Variants in SEMA5B observed in about 807,000 individuals in gnomAD.
SEMA5B encodes the protein semaphorin 5B.
SEMA5B carries 66 observed loss-of-function variants against 135.0 expected under a neutral mutation model. That is an observed-to-expected ratio of 0.49 (90% CI 0.40 to 0.60). SEMA5B has a LOEUF of 0.60. SEMA5B is among the 20% of genes least tolerant of loss of function. The pLI, the probability that SEMA5B is intolerant of heterozygous loss-of-function variation, is 0.00. For missense variants in SEMA5B, 1,501 were observed against 1,566.3 expected, an observed-to-expected ratio of 0.96 and a Z score of 0.70; for synonymous variants, 690 against 639.5, an observed-to-expected ratio of 1.08 and a Z score of -1.19.
At chr3:122,932,873 C>T (rs1939051805) in intron 5 of SEMA5B, among the ~76,000 whole-genome samples, 1 of 152,144 alleles carries the variant, frequency 6.6e-6, no homozygotes, top group Non-Finnish European at 1.5e-5. Flanking sequence ...TGCACACCAC[C>T]ACACTTGGCT....
chr3:122,927,556 TA>T (rs1316943101), intron 8 of SEMA5B, among the ~76,000 whole-genome samples: 1 of 152,218 alleles, frequency 6.6e-6, no homozygotes, highest in Non-Finnish European at 1.5e-5. Flanking sequence ...CCGTCTCTCC[TA>T]ATAGCCCACC....
chr3:122,946,595 G>A (rs1482566208), intron 3 of SEMA5B, among the ~76,000 whole-genome samples: 2 of 152,176 alleles, frequency 1.3e-5, no homozygotes, highest in Admixed American at 6.5e-5. Flanking sequence ...GCTAAGGGAT[G>A]TGGGAACACA....
intron 10 of SEMA5B, 118 bp from the exon 11 acceptor site, chr3:122,922,565 C>G: frequency 1.1e-6 from 1 of 881,642 alleles, no homozygotes; most frequent in Non-Finnish European, 1.7e-6. Flanking sequence ...TTCTCCAGCA[C>G]CCCCCACCCC....
intron 1 of SEMA5B, among the ~76,000 whole-genome samples, chr3:122,994,735 C>A (rs544123116): frequency 7.9e-5 from 12 of 152,326 alleles, no homozygotes; most frequent in African/African-American, 2.9e-4. Flanking sequence ...ATTGTGTGAC[C>A]TTGAGCAAGC....
intron 1 of SEMA5B, among the ~76,000 whole-genome samples, chr3:123,009,462 G>A (rs1001563826): frequency 1.3e-5 from 2 of 152,060 alleles, no homozygotes; most frequent in East Asian, 1.9e-4. Flanking sequence ...CTTGCACATC[G>A]TGCCCACCCA....
Position 122,913,870 on chromosome 3 carries a change from C to A in SEMA5B, c.2120G>T (p.Ser707Ile). 1 of 1,608,168 alleles carries A rather than the reference C, an allele frequency of 6.2e-7. No homozygotes were observed. Among genetic ancestry groups the A allele is most frequent in the South Asian group, 1.1e-5 (1 of 90,132 alleles). ...RHGGRICVGK[S>I]REERFCNENT... is the part of the protein sequence containing the mutation. ...TGTTCTCCCTCACCGTTCCTCCCGG[C>A]TCTTGCCCACGCAGATGCGGCCCCC... is the stretch of plus-strand genomic sequence containing the variant. The change falls in exon 15 of 23, where the codon AGC becomes ATC. Residue 707 changes from serine (S) to isoleucine (I), a missense_variant. By Grantham distance (142) the Ser-to-Ile change is moderately radical. Transcript: ENST00000357599.
At chr3:122,959,868 AC>A (rs1940498405) in intron 2 of SEMA5B, among the ~76,000 whole-genome samples, 1 of 152,196 alleles carries the variant, frequency 6.6e-6, no homozygotes, top group South Asian at 2.1e-4. Context: ...TTTCTTATTT[AC>A]CAAACATTCT....
rs1172935948 is a variant in SEMA5B, at chr3:122,926,284, C to A, written c.1136+108G>T. 2.7e-6 allele frequency: 3 copies of A among 1,094,220 alleles called. No individual in the cohort carries two copies. In the East Asian group the frequency reaches 7.8e-5, roughly 28 times the overall value. The allele number at this position is 1,094,220 out of a possible 1,614,324, so 67.8% of individuals were successfully genotyped here. ...AGTCACAAAATCCTCAGATGACCCC[C>A]GGCAGGAGGCACGGCAGTCCCCATT... On this transcript the variant is annotated intron_variant, in intron 9 of 22. Coordinates refer to ENST00000357599, the MANE Select transcript of SEMA5B (RefSeq NM_001031702.4).
chr3:122,955,789 C>T (rs1361165205), intron 2 of SEMA5B, among the ~76,000 whole-genome samples: 2 of 152,210 alleles, frequency 1.3e-5, no homozygotes, highest in Non-Finnish European at 2.9e-5. Context: ...TTTATGAAAT[C>T]CATTAATATT....
chr3:122,986,591 A>ATT (rs998056682), intron 1 of SEMA5B, among the ~76,000 whole-genome samples: 8 of 89,298 alleles, frequency 9.0e-5, no homozygotes, highest in African/African-American at 2.0e-4. Context: ...CCCAGAGCAT[A>ATT]TTTGTGTGTG....
chr3:122,974,266 C>G (rs976171296), intron 1 of SEMA5B, among the ~76,000 whole-genome samples: 2 of 152,222 alleles, frequency 1.3e-5, no homozygotes, highest in African/African-American at 2.4e-5. Flanking sequence ...CCCAGCCCTA[C>G]TCCCATTGCC....
chr3:122,913,921 C>T lies in SEMA5B; in HGVS notation c.2069G>A (p.Ser690Asn), dbSNP rs898071841. The T allele has an allele frequency of 1.9e-6, 3 of 1,612,838 alleles. No individual in the cohort carries two copies. The highest frequency in any genetic ancestry group is 1.6e-4 in the Middle Eastern group (1 of 6,062). Residue 690 changes from serine (S) to asparagine (N), a missense_variant, in exon 15 of 23, where the codon AGT (serine) becomes AAT (asparagine). Ser to Asn is a conservative substitution (Grantham distance 46, BLOSUM62 1). Around this residue, in one of 2 missense-constraint regions of SEMA5B, gnomAD observed 927 missense variants for 881.6 expected, o/e 1.05. Coordinates refer to ENST00000357599, the MANE Select transcript of SEMA5B (RefSeq NM_001031702.4). ...CGIGFQVRQR[S>N]CSNPAPRHGG... The stretch of plus-strand genomic sequence containing the variant: ...GTGGCGGGGAGCAGGGTTGCTGCAA[C>T]TTCGCTGGCGGACCTGGAAGCCGAT...
chr3:123,010,200 A>G (rs981086630), intron 1 of SEMA5B, among the ~76,000 whole-genome samples: 8 of 152,202 alleles, frequency 5.3e-5, no homozygotes, highest in African/African-American at 1.9e-4. Flanking sequence ...ATACCCCAGC[A>G]TGCTCACACC....
chr3:122,975,634 A>T (rs1180493907), intron 1 of SEMA5B, among the ~76,000 whole-genome samples: 1 of 152,230 alleles, frequency 6.6e-6, no homozygotes, highest in South Asian at 2.1e-4. Flanking sequence ...ACACTCAATA[A>T]ATGTCAGTCA....
chr3:123,018,825 G>A (rs978177405), intron 1 of SEMA5B, among the ~76,000 whole-genome samples: 5 of 152,182 alleles, frequency 3.3e-5, no homozygotes, highest in Admixed American at 2.0e-4. Context: ...TGGGAAAGTA[G>A]CACCCAAATT....
chr3:122,961,081 T>TG, intron 2 of SEMA5B, 59 bp downstream of exon 2: 2 of 1,507,836 alleles, frequency 1.3e-6, no homozygotes, highest in South Asian at 2.6e-5. Flanking sequence ...GTCTTCTCCC[T>TG]GCTCTCCCCT....
chr3:123,013,136 G>A (rs2107800631), intron 1 of SEMA5B, among the ~76,000 whole-genome samples: 1 of 152,340 alleles, frequency 6.6e-6, no homozygotes, highest in Non-Finnish European at 1.5e-5. Context: ...GGGAGGCACT[G>A]GCTCAAATGG....
At chr3:123,026,029 A>G (rs1942788949) in intron 1 of SEMA5B, among the ~76,000 whole-genome samples, 1 of 152,194 alleles carries the variant, frequency 6.6e-6, no homozygotes, top group Non-Finnish European at 1.5e-5. Context: ...AACAGGCTTA[A>G]AAAGATGAGC....
chr3:123,025,724 C>G (rs916567787), intron 1 of SEMA5B, among the ~76,000 whole-genome samples: 1 of 152,210 alleles, frequency 6.6e-6, no homozygotes, highest in African/African-American at 2.4e-5. Flanking sequence ...CAGCCCTGCC[C>G]CGAGTGGTCT....
Sources: gnomAD v4.1 joint callset for allele counts (sites outside exome capture counted in the v4.1 genomes callset) on GRCh38, gnomAD v4.1.1 for gene constraint, gnomAD v4.1.1 regional missense constraint, MANE v1.5 for transcripts, NCBI Gene and HGNC (gene_info 2026-07-23, HGNC 2026-07-21) for gene names.